Variants in VAV2 observed in about 807,000 individuals in gnomAD.
VAV2 encodes the protein vav guanine nucleotide exchange factor 2.
In VAV2, 67 loss-of-function variants were observed where a neutral mutation model predicts 132.5. The ratio of observed to expected loss-of-function variants is 0.51; its 90% CI spans 0.42 to 0.62. The LOEUF (loss-of-function observed/expected upper bound fraction) is 0.62, where lower values mean the gene tolerates loss of function less well. VAV2 is among the 20% of genes least tolerant of loss of function. The pLI, the probability that VAV2 is intolerant of heterozygous loss-of-function variation, is 0.00. For missense variants in VAV2, 938 were observed against 1,153.6 expected (o/e 0.81, Z 2.71); for synonymous variants, 492 against 443.5 (o/e 1.11, Z -1.37).
chr9:133,951,335 T>C (rs1289876873), intron 1 of VAV2, among the ~76,000 whole-genome samples: 2 of 152,092 alleles, frequency 1.3e-5, no homozygotes, highest in Non-Finnish European at 2.9e-5. Context: ...CCCAGCAGGG[T>C]CAGAGCAGGA....
intron 2 of VAV2, among the ~76,000 whole-genome samples, chr9:133,872,059 G>A (rs7034805): frequency 0.16 from 24,549 of 152,218 alleles, 2,461 homozygotes; most frequent in African/African-American, 0.29. Context: ...TCAGGCACTG[G>A]CACAGAGGGC....
At chr9:133,797,139 G>A (rs1423543895) in intron 10 of VAV2, among the ~76,000 whole-genome samples, 1 of 152,198 alleles carries the variant, frequency 6.6e-6, no homozygotes, top group East Asian at 1.9e-4. Context: ...AACTCCAGCT[G>A]GGAACAGGAG....
chr9:133,880,825 A>G (rs12001213), intron 2 of VAV2, among the ~76,000 whole-genome samples: 3,554 of 152,356 alleles, frequency 0.023, 70 homozygotes, highest in African/African-American at 0.046. Flanking sequence ...TAGGTAAAGC[A>G]GGGGCTGCCC....
chr9:133,831,119 C>G (rs1315515466), intron 4 of VAV2, among the ~76,000 whole-genome samples: 1 of 152,096 alleles, frequency 6.6e-6, no homozygotes, highest in East Asian at 1.9e-4. Flanking sequence ...CAGTCACAAT[C>G]AGGACGGGCA....
intron 2 of VAV2, among the ~76,000 whole-genome samples, chr9:133,931,599 A>G (rs1840690842): frequency 6.6e-6 from 1 of 152,150 alleles, no homozygotes; most frequent in East Asian, 1.9e-4. Flanking sequence ...CACACTGTCA[A>G]TGGCAACTAT....
intron 9 of VAV2, among the ~76,000 whole-genome samples, chr9:133,805,667 G>A (rs1173581435): frequency 3.3e-5 from 5 of 151,960 alleles, no homozygotes; most frequent in Non-Finnish European, 4.4e-5. Context: ...CCCAGCCTCC[G>A]ACAGCCTGGG....
intron 2 of VAV2, among the ~76,000 whole-genome samples, chr9:133,892,359 C>T (rs1839012560): frequency 6.6e-6 from 1 of 151,568 alleles, no homozygotes; most frequent in South Asian, 2.1e-4. Context: ...GTCCTTTGAA[C>T]ACAAACAAGC....
chr9:133,791,743 TCATCGACCTTCCCTAGC>T, intron 13 of VAV2, 23 bp downstream of exon 13: 1 of 1,565,010 alleles, frequency 6.4e-7, no homozygotes, highest in Non-Finnish European at 8.8e-7. Context: ...AGGTACGTCC[TCATCGACCTTCCCTAGC>T]CTGAAGAGTC....
At chr9:133,923,830 T>C (rs927573606) in intron 2 of VAV2, among the ~76,000 whole-genome samples, 2 of 152,244 alleles carry the variant, frequency 1.3e-5, no homozygotes, top group Non-Finnish European at 2.9e-5. Context: ...GATGAGTTCA[T>C]GTCCTTTGCA....
At chr9:133,943,275 C>T (rs556905543) in intron 1 of VAV2, among the ~76,000 whole-genome samples, 4 of 152,186 alleles carry the variant, frequency 2.6e-5, no homozygotes, top group Non-Finnish European at 5.9e-5. Context: ...TGACGGTTGG[C>T]AGGGACCGGA....
Position 133,944,732 on chromosome 9 carries a change from C to T in VAV2, c.205-5513G>A, listed in dbSNP as rs115795973. ...GAAAGTCCTGTCTCGCCAAGGACGG[C>T]AGCACAAGGCCTGCGTCGTCAAGGC... is the stretch of plus-strand genomic sequence containing the variant. On this transcript the variant is annotated intron_variant, in intron 1 of 29. Coordinates refer to ENST00000371850, the MANE Select transcript of VAV2 (RefSeq NM_001134398.2). Among the ~76,000 whole-genome samples, 723 of 152,358 alleles carry T rather than the reference C, an allele frequency of 4.7e-3. 2 individuals are homozygous for T. The highest frequency in any genetic ancestry group is 0.017 in the African/African-American group (693 of 41,588).
intron 4 of VAV2, among the ~76,000 whole-genome samples, chr9:133,830,976 A>G (rs963991934): frequency 1.3e-5 from 2 of 152,244 alleles, no homozygotes; most frequent in Non-Finnish European, 2.9e-5. Context: ...GCAGTCATAA[A>G]GAGCTCGTTG....
intron 3 of VAV2, among the ~76,000 whole-genome samples, chr9:133,836,251 G>T (rs1026786873): frequency 2.6e-5 from 4 of 152,188 alleles, no homozygotes; most frequent in Middle Eastern, 3.2e-3. Flanking sequence ...AGGAGCACGT[G>T]GGGGGCCAGG....
rs1836356623 is a variant in VAV2 at position 133,833,798 on chromosome 9, G to A, written c.449+474C>T. On this transcript the variant is annotated intron_variant, in intron 4 of 29. Transcript: ENST00000371850. This position sits in a 1 kb window ranked among gnomAD's most constrained non-coding sequence, Gnocchi z 5.6. ...GCAGAGGCGGGTCCACCGAGGCAGG[G>A]CAGTGCCTGCCGGGCCACGTGTTAA... Among the ~76,000 whole-genome samples, 1 of 152,096 alleles carries A rather than the reference G, an allele frequency of 6.6e-6. No individual in the cohort carries two copies. Among genetic ancestry groups the A allele is most frequent in the Admixed American group, 6.5e-5 (1 of 15,288 alleles).
chr9:133,765,844 G>A (rs963348818), intron 29 of VAV2, among the ~76,000 whole-genome samples: 3 of 152,176 alleles, frequency 2.0e-5, no homozygotes, highest in African/African-American at 7.2e-5. Flanking sequence ...CAGTGCAAAT[G>A]ATAAAGCAAA....
At chr9:133,787,193 AC>A in intron 16 of VAV2, 52 bp downstream of exon 16, 1 of 1,518,424 alleles carries the variant, frequency 6.6e-7, no homozygotes, top group Non-Finnish European at 8.9e-7. Flanking sequence ...AAGTGCCAGC[AC>A]CAGGCTGGGA....
At chr9:133,779,568 C>T (rs1833933579) in intron 21 of VAV2, among the ~76,000 whole-genome samples, 1 of 152,230 alleles carries the variant, frequency 6.6e-6, no homozygotes, top group Non-Finnish European at 1.5e-5. Flanking sequence ...CAACCCGCAG[C>T]AAGGCAGGAA....
chr9:133,902,461 G>A (rs546887902), intron 2 of VAV2, among the ~76,000 whole-genome samples: 2 of 152,338 alleles, frequency 1.3e-5, no homozygotes, highest in Admixed American at 1.3e-4. Flanking sequence ...ACATTGAGAT[G>A]TTTCTGTTCT....
In VAV2 at chr9:133,969,483, G is replaced by A. The variant is rs1842255931; in HGVS notation, c.204+22592C>T. On this transcript the variant is annotated intron_variant, in intron 1 of 29. Coordinates refer to ENST00000371850, the MANE Select transcript of VAV2 (RefSeq NM_001134398.2). This position sits in a 1 kb window ranked among gnomAD's most constrained non-coding sequence, Gnocchi z 5.1. ...CACCAACCAGCATCAGCACCACTGA[G>A]ACAAGAAGCCTGAGGCCAACCAGGG... Among the ~76,000 whole-genome samples the A allele has an allele frequency of 6.6e-6, 1 of 152,034 alleles. No individual in the cohort carries two copies. The highest frequency in any genetic ancestry group is 1.5e-5 in the Non-Finnish European group (1 of 68,002).
Sources: allele counts gnomAD v4.1 joint callset (sites outside exome capture counted in the v4.1 genomes callset), GRCh38; gene constraint gnomAD v4.1.1; non-coding constraint Gnocchi (gnomAD v3.1); transcripts MANE v1.5; gene names NCBI Gene and HGNC (gene_info 2026-07-23, HGNC 2026-07-21).